PLXNA4: variants seen among roughly 807,000 people sequenced by gnomAD.
PLXNA4 encodes the protein plexin A4, also known as plexin-A4.
PLXNA4 carries 44 observed loss-of-function variants against 191.8 expected under a neutral mutation model. The ratio of observed to expected loss-of-function variants is 0.23; its 90% CI spans 0.18 to 0.29. The LOEUF (loss-of-function observed/expected upper bound fraction) is 0.29. Ranked by LOEUF, PLXNA4 falls within the 10% of genes least tolerant of loss-of-function variation. The pLI is 1.00. For missense variants in PLXNA4, 1,800 were observed against 2,488.8 expected, an observed-to-expected ratio of 0.72 and a Z score of 5.89; for synonymous variants, 1,082 against 1,009.5, an observed-to-expected ratio of 1.07 and a Z score of -1.36.
At chr7:132,141,798 C>T (rs1584756744) in intron 29 of PLXNA4, among the ~76,000 whole-genome samples, 1 of 152,202 alleles carries the variant, frequency 6.6e-6, no homozygotes. Context: ...GGGGCGATCT[C>T]AGCTCATTGC....
At chr7:132,342,963 A>AAG (rs1554418864) in intron 3 of PLXNA4, among the ~76,000 whole-genome samples, 169 of 148,846 alleles carry the variant, frequency 1.1e-3, no homozygotes, top group African/African-American at 3.2e-3. Flanking sequence ...AAAAAAAAAG[A>AAG]AAAAAAAAAT....
At chr7:132,569,907 T>C (rs1801895432) in intron 1 of PLXNA4, among the ~76,000 whole-genome samples, 1 of 152,162 alleles carries the variant, frequency 6.6e-6, no homozygotes, top group Admixed American at 6.6e-5. Context: ...AGTACTTGGT[T>C]TACGTAATGC....
chr7:132,338,862 C>T (rs1026848310), intron 3 of PLXNA4, among the ~76,000 whole-genome samples: 1 of 152,174 alleles, frequency 6.6e-6, no homozygotes, highest in Non-Finnish European at 1.5e-5. Context: ...TTCTTGTCTT[C>T]TCCAGGAAGA....
In PLXNA4 at chr7:132,550,631, G is replaced by T. The variant is rs141428192; in HGVS notation, c.-87+25791C>A. ...TATTTTGTATTTGCAAGGCACCAAG[G>T]TCTGCTATACACAATTAACCTCCCC... On this transcript the variant is annotated intron_variant, in intron 1 of 31. Transcript: ENST00000321063. Among the ~76,000 whole-genome samples, 1,159 of 152,262 alleles carry T rather than the reference G, an allele frequency of 7.6e-3. 15 individuals carry two copies. The highest frequency in any genetic ancestry group is 0.036 in the South Asian group (172 of 4,816).
At chr7:132,142,342 G>A (rs1795295108) in intron 29 of PLXNA4, among the ~76,000 whole-genome samples, 1 of 152,124 alleles carries the variant, frequency 6.6e-6, no homozygotes, top group African/African-American at 2.4e-5. Flanking sequence ...TTCCCCTGAT[G>A]TTTTATTGTT....
chr7:132,383,531 T>C, intron 3 of PLXNA4: 1 of 969,248 alleles, frequency 1.0e-6, no homozygotes, highest in Non-Finnish European at 1.2e-6. Context: ...TTATTCATTG[T>C]ATCATGCTTT....
At chr7:132,132,445 CTGTTCTGT>C (rs1563048196) in intron 31 of PLXNA4, among the ~76,000 whole-genome samples, 16 of 51,672 alleles carry the variant, frequency 3.1e-4, no homozygotes, top group East Asian at 2.9e-3. Context: ...CTGTTCTGTT[CTGTTCTGT>C]TCTGTTCTGT....
chr7:132,562,000 CCTCCTCCTCCTA>C (rs1169361473), intron 1 of PLXNA4, among the ~76,000 whole-genome samples: 1 of 117,308 alleles, frequency 8.5e-6, no homozygotes, highest in African/African-American at 3.0e-5. Flanking sequence ...TCTTTCTCTG[CCTCCTCCTCCTA>C]CTCCTCCTCC....
chr7:132,303,321 A>G (rs2116532277), intron 3 of PLXNA4, among the ~76,000 whole-genome samples: 1 of 149,646 alleles, frequency 6.7e-6, no homozygotes, highest in South Asian at 2.1e-4. Context: ...CTGTAATCCC[A>G]ACACTTTGGG....
chr7:132,178,149 C>A (rs1419666306), intron 20 of PLXNA4, among the ~76,000 whole-genome samples: 1 of 152,148 alleles, frequency 6.6e-6, no homozygotes, highest in Non-Finnish European at 1.5e-5. Context: ...CCTTCTAAAT[C>A]ACAGATCAGC....
intron 31 of PLXNA4, 102 bp from the exon 32 acceptor site, chr7:132,130,676 G>A: frequency 1.3e-6 from 2 of 1,557,566 alleles, no homozygotes; most frequent in East Asian, 4.6e-5. Flanking sequence ...AGCCCGGGAA[G>A]CCACAGGCAT....
At chr7:132,185,568 G>T in intron 15 of PLXNA4, 105 bp from the exon 16 acceptor site, 1 of 1,456,682 alleles carries the variant, frequency 6.9e-7, no homozygotes, top group Non-Finnish European at 9.1e-7. Flanking sequence ...GATGCTCAGA[G>T]GCCATGGGTG....
chr7:132,165,611 T>C (rs1209848881), intron 22 of PLXNA4, among the ~76,000 whole-genome samples: 1 of 152,204 alleles, frequency 6.6e-6, no homozygotes, highest in Non-Finnish European at 1.5e-5. Context: ...TGAACTTGTA[T>C]TTATTTTTAA....
intron 30 of PLXNA4, 29 bp downstream of exon 30, chr7:132,140,570 C>G: frequency 6.2e-7 from 1 of 1,609,480 alleles, no homozygotes; most frequent in South Asian, 1.1e-5. Flanking sequence ...GCAAGGGGCC[C>G]TGACTTGGCT....
chr7:132,617,185 G>T (rs1377120256), intron 2 of PLXNA4, among the ~76,000 whole-genome samples: 1 of 152,168 alleles, frequency 6.6e-6, no homozygotes, highest in African/African-American at 2.4e-5. Context: ...GCATGGGTTT[G>T]TTCTCTGAGG....
intron 16 of PLXNA4, 58 bp from the exon 17 acceptor site, chr7:132,182,248 C>T: frequency 6.3e-7 from 1 of 1,599,742 alleles, no homozygotes; most frequent in Non-Finnish European, 8.5e-7. Flanking sequence ...AGCAATGGCA[C>T]TCTACAATGA....
intron 4 of PLXNA4, among the ~76,000 whole-genome samples, chr7:132,242,022 T>C (rs763010250): frequency 2.5e-4 from 38 of 152,240 alleles, no homozygotes; most frequent in Middle Eastern, 3.2e-3. Flanking sequence ...TCTCTTTACA[T>C]AACTTGCCAG....
In PLXNA4 at chr7:132,319,132, A is replaced by G. The variant is rs1449590550; in HGVS notation, c.1372-20910T>C. 3.3e-5 allele frequency among the ~76,000 whole-genome samples: 5 copies of G among 152,172 alleles called. No homozygotes were observed. The South Asian group carries it at 8.3e-4, about 25-fold the overall frequency. ...CCTCTCCTCTCTTCCATTCTTCTCT[A>G]TTTCCCCTAATCTAATCTAGAAAGG... On this transcript the variant is annotated intron_variant, in intron 3 of 31. Coordinates refer to ENST00000321063, the MANE Select transcript of PLXNA4 (RefSeq NM_020911.2).
At position 132,588,472 on chromosome 7, in the gene PLXNA4, G is replaced by A. The variant is rs568433802; in HGVS notation, c.-87+57456C>T. 1.7e-4 allele frequency among the ~76,000 whole-genome samples: 26 copies of A among 152,004 alleles called. No homozygotes were observed. In the South Asian group the frequency reaches 5.4e-3, roughly 32 times the overall value. On this transcript the variant is annotated intron_variant, in intron 2 of 4. Transcript: ENST00000378539. ...ACTGCAATCAGTATTATCAACACTGGCATCACTTTCTTCGCCAGAAAATAA... is the reference window on the plus strand; with the variant it reads ...ACTGCAATCAGTATTATCAACACTGACATCACTTTCTTCGCCAGAAAATAA...
Sources: gnomAD v4.1 joint callset for allele counts (sites outside exome capture counted in the v4.1 genomes callset) on GRCh38, gnomAD v4.1.1 for gene constraint, MANE v1.5 for transcripts, NCBI Gene and HGNC (gene_info 2026-07-23, HGNC 2026-07-21) for gene names.